TRABD2B: variants seen among roughly 807,000 people sequenced by gnomAD.
The protein encoded by TRABD2B is metalloprotease TIKI2.
Under a neutral mutation model 40.1 loss-of-function variants are expected in TRABD2B, and 14 were observed. The observed-to-expected ratio is 0.35, with a 90% CI of 0.23 to 0.55. TRABD2B has a LOEUF of 0.55. TRABD2B is among the 20% of genes least tolerant of loss of function. TRABD2B has a pLI of 0.90. For missense variants in TRABD2B, 541 were observed against 648.6 expected, an observed-to-expected ratio of 0.83 and a Z score of 1.80; for synonymous variants, 263 against 277.0, an observed-to-expected ratio of 0.95 and a Z score of 0.50.
rs1332939436 is a variant in TRABD2B at position 47,763,247 on chromosome 1, A to G, written c.*2655T>C. The G allele has an allele frequency of 1.3e-5, 2 of 152,354 alleles. No individual in the cohort carries two copies. Among genetic ancestry groups the G allele is most frequent in the African/African-American group, 4.8e-5 (2 of 41,588 alleles). 9.4% of individuals were successfully genotyped at this position (152,354 alleles called of 1,614,324 possible). A position where few individuals can be genotyped will look rare whatever the true frequency, so the allele number is the denominator to read the frequency against. ...TAAGTCAGCAAGTTGAGTTCATTTCAGACCCTGGCCAGCTGGTGGTCCTCA... is the reference window on the plus strand; with the variant it reads ...TAAGTCAGCAAGTTGAGTTCATTTCGGACCCTGGCCAGCTGGTGGTCCTCA... On this transcript the variant is annotated 3_prime_UTR_variant, in exon 7 of 7. Coordinates refer to ENST00000606738, the MANE Select transcript of TRABD2B (RefSeq NM_001194986.2).
chr1:47,817,927 C>T (rs750466134), intron 2 of TRABD2B: 11 of 152,324 alleles, frequency 7.2e-5, no homozygotes, highest in Admixed American at 6.5e-4. Flanking sequence ...CAGGTTCCCC[C>T]ACAAACATAA....
intron 2 of TRABD2B, among the ~76,000 whole-genome samples, chr1:47,909,060 T>C (rs1644715255): frequency 6.6e-6 from 1 of 152,260 alleles, no homozygotes; most frequent in Admixed American, 6.5e-5. Flanking sequence ...GCCTCCTGAG[T>C]GGCCTGTGCG....
At chr1:47,921,809 C>G (rs1307831043) in intron 2 of TRABD2B, among the ~76,000 whole-genome samples, 1 of 152,072 alleles carries the variant, frequency 6.6e-6, no homozygotes, top group African/African-American at 2.4e-5. Flanking sequence ...TAATAAAGGA[C>G]CCTGAATCCA....
intron 2 of TRABD2B, among the ~76,000 whole-genome samples, chr1:47,940,805 G>T (rs1007989055): frequency 6.6e-6 from 1 of 152,240 alleles, no homozygotes; most frequent in Non-Finnish European, 1.5e-5. Context: ...GAGAAATAAA[G>T]GCAGCAGTGT....
chr1:47,837,356 G>C (rs536782379), intron 2 of TRABD2B, among the ~76,000 whole-genome samples: 1 of 152,236 alleles, frequency 6.6e-6, no homozygotes, highest in Admixed American at 6.5e-5. Context: ...AGATATTTGG[G>C]ATCCAAGGGT....
intron 2 of TRABD2B, among the ~76,000 whole-genome samples, chr1:47,863,372 T>TATATATATATATATATATATATATA (rs1644003823): frequency 2.1e-4 from 14 of 66,496 alleles, no homozygotes; most frequent in South Asian, 7.5e-4. Context: ...CTATATAATT[T>TATATATATATATATATATATATATA]TATATATATA....
chr1:47,778,590 C>A (rs749820076), intron 4 of TRABD2B, 46 bp from the exon 5 acceptor site: 1 of 1,421,436 alleles, frequency 7.0e-7, no homozygotes, highest in Non-Finnish European at 9.6e-7. Context: ...GCCAGGCCAC[C>A]GGCCACAGGG....
At chr1:47,937,844 C>T (rs1336319301) in intron 2 of TRABD2B, among the ~76,000 whole-genome samples, 2 of 152,174 alleles carry the variant, frequency 1.3e-5, no homozygotes, top group Non-Finnish European at 2.9e-5. Flanking sequence ...AACATTCCAA[C>T]CCCGATACCC....
At chr1:47,847,958 A>G (rs1645495277) in intron 2 of TRABD2B, among the ~76,000 whole-genome samples, 1 of 152,166 alleles carries the variant, frequency 6.6e-6, no homozygotes, top group Admixed American at 6.5e-5. Context: ...GGCGGGGCTG[A>G]CGCCATAAAT....
chr1:47,828,029 G>T (rs1645199048), intron 2 of TRABD2B, among the ~76,000 whole-genome samples: 1 of 152,156 alleles, frequency 6.6e-6, no homozygotes, highest in Non-Finnish European at 1.5e-5. Flanking sequence ...CTCAGGCTAG[G>T]ATCCTCAGTT....
chr1:47,802,021 C>A (rs1644830500), intron 2 of TRABD2B, among the ~76,000 whole-genome samples: 1 of 152,184 alleles, frequency 6.6e-6, no homozygotes, highest in African/African-American at 2.4e-5. Flanking sequence ...AACAAAGCAA[C>A]AGGACAAGAA....
At chr1:47,767,052 A>G (rs1349970779) in intron 6 of TRABD2B, among the ~76,000 whole-genome samples, 1 of 152,140 alleles carries the variant, frequency 6.6e-6, no homozygotes, top group Non-Finnish European at 1.5e-5. Context: ...GAGACATAGG[A>G]AATGGACAGG....
At chr1:47,978,716 G>C (rs1433247833) in intron 2 of TRABD2B, among the ~76,000 whole-genome samples, 2 of 152,182 alleles carry the variant, frequency 1.3e-5, no homozygotes, top group African/African-American at 4.8e-5. Context: ...AAACAAATCA[G>C]CTTGGGTGCC....
At chr1:47,797,007 G>T (rs1644757984) in intron 3 of TRABD2B, among the ~76,000 whole-genome samples, 1 of 152,186 alleles carries the variant, frequency 6.6e-6, no homozygotes, top group African/African-American at 2.4e-5. Context: ...ATAAATATTT[G>T]TCTAATCAGT....
At chr1:47,786,501 C>T (rs545379835) in intron 4 of TRABD2B, among the ~76,000 whole-genome samples, 9 of 152,310 alleles carry the variant, frequency 5.9e-5, no homozygotes, top group South Asian at 2.1e-4. Context: ...GAAGCAGCAA[C>T]GGCGACTCTG....
chr1:47,854,197 A>C (rs1307996075), intron 2 of TRABD2B, among the ~76,000 whole-genome samples: 1 of 152,206 alleles, frequency 6.6e-6, no homozygotes, highest in East Asian at 1.9e-4. Context: ...GAAACTAGGA[A>C]AATATATGTC....
At chr1:47,858,052 T>C (rs1407723686) in intron 2 of TRABD2B, among the ~76,000 whole-genome samples, 1 of 151,968 alleles carries the variant, frequency 6.6e-6, no homozygotes, top group East Asian at 1.9e-4. Context: ...TGATTAGTTA[T>C]TATTGTTAAT....
chr1:47,907,221 C>G (rs1386721134), intron 2 of TRABD2B, among the ~76,000 whole-genome samples: 4 of 152,184 alleles, frequency 2.6e-5, no homozygotes, highest in Non-Finnish European at 5.9e-5. Flanking sequence ...GAAACACTTT[C>G]TTTCATGACC....
intron 6 of TRABD2B, among the ~76,000 whole-genome samples, chr1:47,773,729 G>T (rs574205998): frequency 5.9e-5 from 9 of 152,170 alleles, no homozygotes; most frequent in Non-Finnish European, 1.3e-4. Flanking sequence ...ACCCAGTCTC[G>T]GGTATGTCTT....
Sources: allele counts gnomAD v4.1 joint callset (sites outside exome capture counted in the v4.1 genomes callset), GRCh38; gene constraint gnomAD v4.1.1; transcripts MANE v1.5; gene names NCBI Gene and HGNC (gene_info 2026-07-23, HGNC 2026-07-21).